The following VDAC1 variants were observed in gnomAD, a reference collection of about 807,000 sequenced individuals.
The protein encoded by VDAC1 is voltage dependent anion channel 1, also known as non-selective voltage-gated ion channel VDAC1.
VDAC1 carries 10 observed loss-of-function variants against 34.7 expected under a neutral mutation model. The observed-to-expected ratio is 0.29, with a 90% CI of 0.18 to 0.49. VDAC1 has a LOEUF of 0.49. VDAC1 is among the 20% of genes least tolerant of loss of function. VDAC1 has a pLI of 0.99. For synonymous variants in VDAC1, 130 were observed against 136.0 expected (o/e 0.96, Z 0.30); for missense variants, 230 against 347.9 (o/e 0.66, Z 2.69).
At chr5:134,013,411 G>C in the VDAC1 span, among the ~76,000 whole-genome samples, 1 of 152,066 alleles carries the variant, frequency 6.6e-6, no homozygotes, top group African/African-American at 2.4e-5. Context: ...CTCCAGCCTT[G>C]GTGACAGAGT....
chr5:134,104,354 G>A, the VDAC1 span, among the ~76,000 whole-genome samples: 5 of 152,234 alleles, frequency 3.3e-5, no homozygotes, highest in Admixed American at 6.5e-5. Context: ...ACAGTGGGTG[G>A]GCATCCCTGA....
upstream of VDAC1, among the ~76,000 whole-genome samples, chr5:134,006,613 CG>C (rs1365909691): frequency 6.6e-6 from 1 of 151,686 alleles, no homozygotes; most frequent in African/African-American, 2.4e-5. Context: ...CGTGGTGGCG[CG>C]CGCCTGTAGT....
the VDAC1 span, among the ~76,000 whole-genome samples, chr5:134,083,769 A>C: frequency 6.6e-6 from 1 of 152,256 alleles, no homozygotes; most frequent in African/African-American, 2.4e-5. Flanking sequence ...TGTAGGACTC[A>C]GAGTCCAGAG....
the VDAC1 span, among the ~76,000 whole-genome samples, chr5:134,054,365 T>G: frequency 6.6e-6 from 1 of 152,128 alleles, no homozygotes; most frequent in Non-Finnish European, 1.5e-5. Flanking sequence ...CATTTCACCC[T>G]GGCAAGCTTC....
In VDAC1 at chr5:133,989,660, C is replaced by CT. The variant is rs58777659; in HGVS notation, c.323+1194dup. ...CAGGCATGAGTCACTGCATCCGACT[C>CT]TTTTTTTTTTTTTTCTTTTGAGATG... On this transcript the variant is annotated intron_variant, in intron 5 of 8. Coordinates refer to ENST00000265333, the MANE Select transcript of VDAC1 (RefSeq NM_003374.3). Among the ~76,000 whole-genome samples the CT allele has an allele frequency of 1.1e-3, 166 of 145,196 alleles. 1 individual carries two copies. Among genetic ancestry groups the CT allele is most frequent in the Admixed American group, 1.1e-3 (16 of 14,520 alleles).
At position 133,980,870 on chromosome 5, in the gene VDAC1, G is replaced by C; in HGVS notation, c.410C>G (p.Ser137Cys). 6.2e-7 allele frequency: 1 copy of C among 1,613,996 alleles called. No homozygotes were observed. Among genetic ancestry groups the C allele is most frequent in the Non-Finnish European group, 8.5e-7 (1 of 1,179,970 alleles). Residue 137 changes from serine (S) to cysteine (C), a missense_variant, in exon 6 of 9, where the codon TCC (serine) becomes TGC (cysteine). Transcript: ENST00000265333. Reference sequence around the variant, plus strand: ...ACCTAGCACCAGAGCACCCCGGATGGAAGGCCCAGCAATGTCGAAATCCAT... The same window carrying C: ...ACCTAGCACCAGAGCACCCCGGATGCAAGGCCCAGCAATGTCGAAATCCAT... Reference protein sequence around the residue: ...CDMDFDIAGPSIRGALVLGYE... With the variant: ...CDMDFDIAGPCIRGALVLGYE...
At chr5:134,029,182 C>T in the VDAC1 span, among the ~76,000 whole-genome samples, 1 of 152,214 alleles carries the variant, frequency 6.6e-6, no homozygotes, top group Non-Finnish European at 1.5e-5. Context: ...AGTGAGCCAC[C>T]TTGGAGGAGG....
Position 133,975,883 on chromosome 5 carries a change from G to A in VDAC1, c.690C>T (p.Asp230=), listed in dbSNP as rs373342159. The A allele has an allele frequency of 8.2e-5, 132 of 1,611,480 alleles. No individual in the cohort carries two copies. Among genetic ancestry groups the A allele is most frequent in the Middle Eastern group, 2.2e-4 (1 of 4,608 alleles). Residue 230 remains aspartate, a synonymous_variant, in exon 7 of 9, where the codon GAC becomes GAT. Coordinates refer to ENST00000265333, the MANE Select transcript of VDAC1 (RefSeq NM_003374.3). ...CACAGATACCCACCGAGAAGCAGGC[G>A]TCAGGGTCAATCTGATACTTGGCTG... ...GIAAKYQIDP[D]ACFSAKVNNS...
the VDAC1 span, among the ~76,000 whole-genome samples, chr5:134,033,803 T>C: frequency 2.3e-4 from 35 of 151,792 alleles, no homozygotes; most frequent in Admixed American, 2.0e-3. Context: ...CCATCCTGGC[T>C]AACACGGTGA....
the VDAC1 span, among the ~76,000 whole-genome samples, chr5:134,017,983 G>A: frequency 5.3e-5 from 8 of 152,218 alleles, no homozygotes; most frequent in African/African-American, 1.7e-4. Flanking sequence ...GGTGACTGAC[G>A]TAGATGGGCT....
chr5:134,001,435 G>T (rs1193458341), intron 1 of VDAC1, among the ~76,000 whole-genome samples: 1 of 152,064 alleles, frequency 6.6e-6, no homozygotes. Flanking sequence ...AGACAAACTC[G>T]GCCGGGCTCA....
the VDAC1 span, among the ~76,000 whole-genome samples, chr5:134,033,872 G>A: frequency 3.3e-5 from 5 of 151,836 alleles, no homozygotes; most frequent in East Asian, 3.9e-4. Flanking sequence ...GGCGCCTGTA[G>A]TCCCAGCTAC....
chr5:134,033,906 G>T, the VDAC1 span, among the ~76,000 whole-genome samples: 7 of 151,808 alleles, frequency 4.6e-5, no homozygotes, highest in African/African-American at 1.5e-4. Flanking sequence ...GCAGGAGAAC[G>T]GCATGAACCC....
the VDAC1 span, among the ~76,000 whole-genome samples, chr5:134,067,696 G>GGGAGAGGGAGAA: frequency 6.7e-6 from 1 of 150,168 alleles, no homozygotes; most frequent in African/African-American, 2.5e-5. Flanking sequence ...GGGAGGGAGA[G>GGGAGAGGGAGAA]GGAGAGGGAG....
the VDAC1 span, among the ~76,000 whole-genome samples, chr5:134,108,370 G>A: frequency 6.6e-6 from 1 of 152,172 alleles, no homozygotes. Flanking sequence ...ACAGATGAAG[G>A]TGCCATGATC....
At chr5:133,975,388 G>C (rs1752438442) in intron 7 of VDAC1, among the ~76,000 whole-genome samples, 1 of 151,998 alleles carries the variant, frequency 6.6e-6, no homozygotes, top group African/African-American at 2.4e-5. Flanking sequence ...CTAGTAGTAT[G>C]ATCACTGTAC....
At chr5:134,084,547 G>C in the VDAC1 span, among the ~76,000 whole-genome samples, 2 of 152,258 alleles carry the variant, frequency 1.3e-5, no homozygotes, top group African/African-American at 2.4e-5. Flanking sequence ...CCACAAGACA[G>C]TGGTCCAGAG....
At chr5:134,017,739 C>T in the VDAC1 span, among the ~76,000 whole-genome samples, 3 of 151,962 alleles carry the variant, frequency 2.0e-5, no homozygotes, top group Non-Finnish European at 4.4e-5. Context: ...CGGTGAAACC[C>T]CGTCTCTACT....
the VDAC1 span, among the ~76,000 whole-genome samples, chr5:134,072,448 G>A: frequency 9.9e-5 from 15 of 152,196 alleles, no homozygotes; most frequent in Admixed American, 5.9e-4. Flanking sequence ...ACCTCCCTTC[G>A]CTACCTGCAA....
Sources: gnomAD v4.1 joint callset for allele counts (sites outside exome capture counted in the v4.1 genomes callset) on GRCh38, gnomAD v4.1.1 for gene constraint, MANE v1.5 for transcripts, NCBI Gene and HGNC (gene_info 2026-07-23, HGNC 2026-07-21) for gene names.